Variants in FAT1 observed in about 807,000 individuals in gnomAD.
The protein encoded by FAT1 is protocadherin Fat 1.
FAT1 carries 171 observed loss-of-function variants against 329.8 expected under a neutral mutation model. That is an observed-to-expected ratio of 0.52 (90% CI 0.46 to 0.59). The LOEUF is 0.59. FAT1 is among the 20% of genes least tolerant of loss of function. FAT1 has a pLI of 0.00. For missense variants in FAT1, 5,672 were observed against 5,774.4 expected (o/e 0.98, Z 0.57); for synonymous variants, 2,233 against 2,228.6 (o/e 1.00, Z -0.06).
intron 2 of FAT1, among the ~76,000 whole-genome samples, chr4:186,699,879 T>A (rs796729045): frequency 1.2e-4 from 19 of 152,304 alleles, no homozygotes; most frequent in African/African-American, 4.3e-4. Flanking sequence ...TAAAATCTTT[T>A]CAATTTTCAT....
chr4:186,614,424 T>C (rs927578895), intron 11 of FAT1, 80 bp from the exon 12 acceptor site: 56 of 963,158 alleles, frequency 5.8e-5, no homozygotes, highest in Non-Finnish European at 7.7e-5. Flanking sequence ...GGAAAAGAAA[T>C]CATTCATCTT....
chr4:186,651,272 C>G (rs1236261833), intron 3 of FAT1, among the ~76,000 whole-genome samples: 1 of 152,010 alleles, frequency 6.6e-6, no homozygotes, highest in African/African-American at 2.4e-5. Flanking sequence ...ATGGAACATT[C>G]TAGTCTACGG....
chr4:186,715,412 T>A (rs1745166682), intron 1 of FAT1, among the ~76,000 whole-genome samples: 1 of 152,234 alleles, frequency 6.6e-6, no homozygotes, highest in South Asian at 2.1e-4. Flanking sequence ...TCTGCAAACT[T>A]GGCTAACAGA....
chr4:186,662,928 C>T (rs1742250892), intron 3 of FAT1, among the ~76,000 whole-genome samples: 1 of 152,096 alleles, frequency 6.6e-6, no homozygotes, highest in Non-Finnish European at 1.5e-5. Context: ...GCTCCGCCCC[C>T]CGGGTTCACG....
Position 186,603,970 on chromosome 4 carries a change from T to C in FAT1, c.10556A>G (p.Asp3519Gly). 3 of 1,607,916 alleles carry C rather than the reference T, an allele frequency of 1.9e-6. No individual in the cohort carries two copies. Among genetic ancestry groups the C allele is most frequent in the Non-Finnish European group, 2.6e-6 (3 of 1,174,870 alleles). ...AGATGACAACTGAGGCTTTCCATTA[T>C]CTGCCACCTACAAGAAAAGAAAAAT... is the stretch of plus-strand genomic sequence containing the variant. ...DHYLLQVKVA[D>G]NGKPQLSSLT... Residue 3519 changes from aspartate to glycine, a missense_variant, in exon 19 of 27, where the codon GAT becomes GGT. Around this residue, in one of 2 missense-constraint regions of FAT1, gnomAD observed 1,706 missense variants for 1,859.1 expected, o/e 0.92. Coordinates refer to ENST00000441802, the MANE Select transcript of FAT1 (RefSeq NM_005245.4).
intron 3 of FAT1, among the ~76,000 whole-genome samples, chr4:186,661,648 T>C (rs1467586011): frequency 2.6e-5 from 4 of 152,204 alleles, no homozygotes; most frequent in African/African-American, 9.6e-5. Flanking sequence ...GCTGTTTATT[T>C]GCATCCTTTA....
At chr4:186,626,861 AGAATGAATGAATGAAT>A (rs1215814487) in intron 9 of FAT1, among the ~76,000 whole-genome samples, 1 of 9,678 alleles carries the variant, frequency 1.0e-4, no homozygotes, top group Non-Finnish European at 2.1e-4. Flanking sequence ...ACCAGCCCAC[AGAATGAATGAATGAAT>A]GAATGAATGA....
chr4:186,675,824 CAATT>C (rs1423351703), intron 2 of FAT1, among the ~76,000 whole-genome samples: 1 of 134,194 alleles, frequency 7.5e-6, no homozygotes, highest in South Asian at 2.4e-4. Context: ...CACACACACA[CAATT>C]AATTTTTAAA....
intron 7 of FAT1, among the ~76,000 whole-genome samples, chr4:186,629,106 C>G (rs1415498561): frequency 7.2e-5 from 11 of 152,072 alleles, no homozygotes; most frequent in Non-Finnish European, 1.0e-4. Flanking sequence ...GTACGGATAA[C>G]AATTTACCAG....
At chr4:186,636,941 CAT>C in intron 4 of FAT1, 27 bp from the exon 5 acceptor site, 2 of 1,549,028 alleles carry the variant, frequency 1.3e-6, no homozygotes, top group Non-Finnish European at 1.8e-6. Flanking sequence ...AACAGATTAA[CAT>C]GTTAAGATAT....
Position 186,708,428 on chromosome 4 carries a change from G to A in FAT1, c.1400C>T (p.Ala467Val), listed in dbSNP as rs748957825. The stretch of plus-strand genomic sequence containing the variant: ...GTTCTCATCAAAAGCAGCTTTGTAC[G>A]CTGTCTGGGTAAATTCAGGGGGATT... ...NSNPPEFTQTAYKAAFDENVP... is the reference protein window; with the variant it reads ...NSNPPEFTQTVYKAAFDENVP... Residue 467 changes from alanine (A) to valine (V), a missense_variant, in exon 2 of 27, where the codon GCG becomes GTG. Physicochemically the swap from Ala to Val is moderately conservative, Grantham distance 64. Coordinates refer to ENST00000441802, the MANE Select transcript of FAT1 (RefSeq NM_005245.4). 12 of 1,613,808 alleles carry A rather than the reference G, an allele frequency of 7.4e-6. No individual in the cohort carries two copies. The highest frequency in any genetic ancestry group is 2.7e-5 in the African/African-American group (2 of 74,902).
At chr4:186,702,944 C>T (rs917533387) in intron 2 of FAT1, among the ~76,000 whole-genome samples, 1 of 152,170 alleles carries the variant, frequency 6.6e-6, no homozygotes, top group Admixed American at 6.5e-5. Flanking sequence ...CTTTATAATC[C>T]TCACTGTAGA....
chr4:186,593,580 G>A (rs1738345507), intron 26 of FAT1, among the ~76,000 whole-genome samples: 1 of 152,184 alleles, frequency 6.6e-6, no homozygotes, highest in Non-Finnish European at 1.5e-5. Context: ...TAACTTTTCT[G>A]CACAGAGGCG....
chr4:186,602,932 C>T lies in FAT1; in HGVS notation c.11453G>A (p.Cys3818Tyr), dbSNP rs2126422886. The change falls in exon 20 of 27, where the codon TGT (cysteine) becomes TAT (tyrosine). Residue 3818 changes from cysteine to tyrosine, a missense_variant. Physicochemically the swap from Cys to Tyr is radical, Grantham distance 194. This residue lies in a region of FAT1 where 1,706 missense variants were observed against 1,859.1 expected (regional missense o/e 0.92). Coordinates refer to ENST00000441802, the MANE Select transcript of FAT1 (RefSeq NM_005245.4). Reference protein sequence around the residue: ...DPWEEKHTCVCPSGRFGQCPG... With the variant: ...DPWEEKHTCVYPSGRFGQCPG... ...GCACTGACCAAACCTGCCGCTGGGA[C>T]AGACACAGGTGTGTTTCTCCTCCCA... 6.2e-7 allele frequency: 1 copy of T among 1,613,970 alleles called. No homozygotes were observed. The highest frequency in any genetic ancestry group is 8.5e-7 in the Non-Finnish European group (1 of 1,179,856).
At chr4:186,666,771 A>G (rs1307620876) in intron 2 of FAT1, among the ~76,000 whole-genome samples, 2 of 152,186 alleles carry the variant, frequency 1.3e-5, no homozygotes, top group East Asian at 1.9e-4. Flanking sequence ...TATCTTATAT[A>G]ATCTTTACAT....
intron 21 of FAT1, among the ~76,000 whole-genome samples, chr4:186,600,772 G>A (rs1280106): frequency 0.079 from 11,959 of 152,226 alleles, 1,378 homozygotes; most frequent in African/African-American, 0.25. Flanking sequence ...GTGCAGTGGC[G>A]TGATCTCAAC....
chr4:186,588,683 A>G lies in FAT1; in HGVS notation c.13676T>C (p.Val4559Ala), dbSNP rs911058608. ...VSACCEVESEVMMSDYESGDD... is the reference protein window; with the variant it reads ...VSACCEVESEAMMSDYESGDD... ...CCCGCTCTCATAGTCACTCATCATG[A>G]CCTCGGACTCCACTTCGCAGCAGGC... The change falls in exon 27 of 27, where the codon GTC (valine) becomes GCC (alanine). Residue 4559 changes from valine (V) to alanine (A), a missense_variant. By Grantham distance (64) the Val-to-Ala change is moderately conservative. Transcript: ENST00000441802. The G allele has an allele frequency of 6.2e-7, 1 of 1,613,754 alleles. No homozygotes were observed. Among genetic ancestry groups the G allele is most frequent in the Middle Eastern group, 1.6e-4 (1 of 6,062 alleles).
intron 16 of FAT1, among the ~76,000 whole-genome samples, chr4:186,607,772 T>C (rs1190168801): frequency 6.6e-6 from 1 of 151,774 alleles, no homozygotes; most frequent in Non-Finnish European, 1.5e-5. Flanking sequence ...GATGAATGGA[T>C]GGATGACTGG....
At chr4:186,606,276 A>G in intron 16 of FAT1, 63 bp from the exon 17 acceptor site, 2 of 1,586,078 alleles carry the variant, frequency 1.3e-6, no homozygotes, top group Non-Finnish European at 1.7e-6. Context: ...TCCAATGAGG[A>G]GTGTCCTCCT....
Sources: gnomAD v4.1 joint callset for allele counts (sites outside exome capture counted in the v4.1 genomes callset) on GRCh38, gnomAD v4.1.1 for gene constraint, gnomAD v4.1.1 regional missense constraint, MANE v1.5 for transcripts, NCBI Gene and HGNC (gene_info 2026-07-23, HGNC 2026-07-21) for gene names.